Variants in DTD1 observed in about 807,000 individuals in gnomAD.
The protein encoded by DTD1 is D-aminoacyl-tRNA deacylase 1.
DTD1 carries 13 observed loss-of-function variants against 25.6 expected under a neutral mutation model. The observed-to-expected ratio is 0.51, with a 90% confidence interval of 0.33 to 0.81. The LOEUF is 0.81. DTD1 is among the 30% of genes least tolerant of loss of function. The pLI, the probability that DTD1 is intolerant of heterozygous loss-of-function variation, is 0.02. For missense variants in DTD1, 193 were observed against 266.4 expected (o/e 0.72, Z 1.92); for synonymous variants, 110 against 103.6 (o/e 1.06, Z -0.37).
chr20:18,708,320 TTATA>T (rs55797344), intron 4 of DTD1, among the ~76,000 whole-genome samples: 1 of 40,734 alleles, frequency 2.5e-5, no homozygotes, highest in South Asian at 5.7e-4. Flanking sequence ...TATATATATA[TTATA>T]TATATATATT....
intron 5 of DTD1, among the ~76,000 whole-genome samples, chr20:18,755,086 C>T (rs927406037): frequency 1.3e-5 from 2 of 152,176 alleles, no homozygotes; most frequent in Admixed American, 6.5e-5. Flanking sequence ...CTCAGGATCC[C>T]TTCCAGTTCT....
intron 3 of DTD1, among the ~76,000 whole-genome samples, chr20:18,609,623 C>T (rs2060678735): frequency 1.3e-5 from 2 of 152,112 alleles, no homozygotes; most frequent in South Asian, 4.1e-4. Flanking sequence ...TTGATGTGCT[C>T]ATGTTTAGAT....
chr20:18,688,897 G>T (rs1401784127), intron 4 of DTD1, among the ~76,000 whole-genome samples: 1 of 152,062 alleles, frequency 6.6e-6, no homozygotes, highest in African/African-American at 2.4e-5. Context: ...GGGGGGTGGG[G>T]AGGTATGTGT....
In DTD1 at chr20:18,765,980, A is replaced by G. The variant is rs556048396; in HGVS notation, c.*2640A>G. On this transcript the variant is annotated 3_prime_UTR_variant, in exon 6 of 6. Transcript: ENST00000377452. ...AACACTGCATAGCAGGACCCATTTA[A>G]TCTTGCCTTTGGTGGTTTACTTTAC... The G allele has an allele frequency of 1.1e-4, 16 of 152,294 alleles. No homozygotes were observed. Among genetic ancestry groups the G allele is most frequent in the African/African-American group, 3.9e-4 (16 of 41,540 alleles). The allele number at this position is 152,294 out of a possible 1,614,324, so 9.4% of individuals were successfully genotyped here.
intron 4 of DTD1, among the ~76,000 whole-genome samples, chr20:18,662,832 AT>A (rs1027644935): frequency 2.0e-5 from 3 of 152,148 alleles, no homozygotes; most frequent in Non-Finnish European, 4.4e-5. Flanking sequence ...ACATTGTTGA[AT>A]GGACACAGCT....
At chr20:18,658,427 G>A (rs2060898354) in intron 4 of DTD1, among the ~76,000 whole-genome samples, 1 of 151,764 alleles carries the variant, frequency 6.6e-6, no homozygotes, top group African/African-American at 2.4e-5. Flanking sequence ...CCAGGTTCAT[G>A]CCATTCTCCT....
rs149628150 is a variant in DTD1, at chr20:18,754,577, C to T, written c.*20-8783C>T. On this transcript the variant is annotated intron_variant, in intron 5 of 5. Coordinates refer to ENST00000377452, the MANE Select transcript of DTD1 (RefSeq NM_080820.6). The stretch of plus-strand genomic sequence containing the variant: ...AATGGTCCACCCTTTTCTGGAGAAC[C>T]ATGTGTTTAGCTTGAACAGGACTTC... Among the ~76,000 whole-genome samples the T allele has an allele frequency of 5.5e-3, 830 of 152,250 alleles. 11 individuals are homozygous for T. Among genetic ancestry groups the T allele is most frequent in the African/African-American group, 0.019 (786 of 41,548 alleles).
At chr20:18,660,181 T>C (rs2060904354) in intron 4 of DTD1, among the ~76,000 whole-genome samples, 1 of 152,162 alleles carries the variant, frequency 6.6e-6, no homozygotes, top group Non-Finnish European at 1.5e-5. Flanking sequence ...CACTCCAGCC[T>C]GGGAGCCAGA....
chr20:18,679,483 G>T (rs890330080), intron 4 of DTD1, among the ~76,000 whole-genome samples: 2 of 152,198 alleles, frequency 1.3e-5, no homozygotes, highest in African/African-American at 4.8e-5. Context: ...GATATTAAAA[G>T]TGAGATTTCA....
intron 4 of DTD1, chr20:18,631,852 G>A (rs1600332316): frequency 2.0e-6 from 2 of 985,178 alleles, no homozygotes; most frequent in Non-Finnish European, 2.4e-6. Flanking sequence ...TTCTGGAAAT[G>A]GTAGAATAGT....
At chr20:18,719,904 T>C (rs1221525527) in intron 4 of DTD1, among the ~76,000 whole-genome samples, 1 of 152,248 alleles carries the variant, frequency 6.6e-6, no homozygotes, top group Non-Finnish European at 1.5e-5. Context: ...GAGTCTGATA[T>C]TGTTATCACC....
intron 4 of DTD1, among the ~76,000 whole-genome samples, chr20:18,696,358 G>A (rs540918789): frequency 6.6e-6 from 1 of 152,228 alleles, no homozygotes; most frequent in East Asian, 1.9e-4. Flanking sequence ...GATGACATCT[G>A]TAGTTTCCAC....
At chr20:18,715,317 G>A (rs1327153165) in intron 4 of DTD1, among the ~76,000 whole-genome samples, 1 of 152,146 alleles carries the variant, frequency 6.6e-6, no homozygotes, top group Non-Finnish European at 1.5e-5. Context: ...TTGATGGTGT[G>A]CTCCAGGCTG....
rs1381616879 is a variant in DTD1 at position 18,755,097 on chromosome 20, G to A, written c.*20-8263G>A. ...ACCTCTCAGGATCCCTTCCAGTTCT[G>A]TGTTTCTCTAGTAGGGAATAGAAAT... On this transcript the variant is annotated intron_variant, in intron 5 of 5. Coordinates refer to ENST00000377452, the MANE Select transcript of DTD1 (RefSeq NM_080820.6). Among the ~76,000 whole-genome samples the A allele has an allele frequency of 3.3e-5, 5 of 152,284 alleles. No individual in the cohort carries two copies. The South Asian group carries it at 8.3e-4, about 25-fold the overall frequency.
intron 5 of DTD1, among the ~76,000 whole-genome samples, chr20:18,759,747 C>T (rs546617327): frequency 2.6e-5 from 4 of 152,096 alleles, no homozygotes; most frequent in East Asian, 1.9e-4. Flanking sequence ...ATCTTTGTGG[C>T]GTTCTCTGTA....
chr20:18,697,839 C>T (rs1022542899), intron 4 of DTD1, among the ~76,000 whole-genome samples: 15 of 152,338 alleles, frequency 9.8e-5, no homozygotes, highest in Admixed American at 5.2e-4. Context: ...CGCCTGTCAC[C>T]GCGCCTGGCT....
intron 4 of DTD1, among the ~76,000 whole-genome samples, chr20:18,651,527 A>G (rs552962716): frequency 6.8e-4 from 104 of 152,332 alleles, no homozygotes; most frequent in Non-Finnish European, 1.0e-3. Context: ...CCTCCAGTAT[A>G]TTCTGATAAA....
At position 18,660,597 on chromosome 20, in the gene DTD1, CA is replaced by C. The variant is rs927787909; in HGVS notation, c.477+32372del. On this transcript the variant is annotated intron_variant, in intron 4 of 5. Coordinates refer to ENST00000377452, the MANE Select transcript of DTD1 (RefSeq NM_080820.6). ...AAGAAAACAAAAAGGCTTTTTATTA[CA>C]AAAAAAATTATTTAGTATAAAGAGA... 2.2e-4 allele frequency among the ~76,000 whole-genome samples: 34 copies of C among 151,684 alleles called. 1 individual carries two copies. Among genetic ancestry groups the C allele is most frequent in the East Asian group, 7.7e-4 (4 of 5,172 alleles).
At position 18,592,003 on chromosome 20, in the gene DTD1, A is replaced by G. The variant is rs138508431; in HGVS notation, c.44-1728A>G. On this transcript the variant is annotated intron_variant, in intron 1 of 5. Coordinates refer to ENST00000377452, the MANE Select transcript of DTD1 (RefSeq NM_080820.6). ...AGAAATTAAGCATTACTGATATTTC[A>G]GGAATGGATTGATGTGCTCTGCTGG... Among the ~76,000 whole-genome samples, 15 of 152,346 alleles carry G rather than the reference A, an allele frequency of 9.8e-5. No homozygotes were observed. The East Asian group carries it at 2.5e-3, about 25-fold the overall frequency.
Sources: allele counts gnomAD v4.1 joint callset (sites outside exome capture counted in the v4.1 genomes callset), GRCh38; gene constraint gnomAD v4.1.1; transcripts MANE v1.5; gene names NCBI Gene and HGNC (gene_info 2026-07-23, HGNC 2026-07-21).